PSMD14: variants seen among roughly 807,000 people sequenced by gnomAD.
PSMD14 encodes ubiquitin C-terminal hydrolase PSMD14.
In PSMD14, 7 loss-of-function variants were observed where a neutral mutation model predicts 41.2. The observed-to-expected ratio is 0.17, with a 90% CI of 0.10 to 0.32. The LOEUF is 0.32. PSMD14 is among the 10% of genes least tolerant of loss of function. The pLI is 1.00. For synonymous variants in PSMD14, 114 were observed against 122.3 expected, an observed-to-expected ratio of 0.93 and a Z score of 0.45; for missense variants, 139 against 375.6, an observed-to-expected ratio of 0.37 and a Z score of 5.21.
chr2:161,373,949 A>G (rs1473489013), intron 7 of PSMD14, among the ~76,000 whole-genome samples: 1 of 151,876 alleles, frequency 6.6e-6, no homozygotes, highest in African/African-American at 2.4e-5. Context: ...TTATAATCCT[A>G]AAGATAGGCC....
At position 161,396,386 on chromosome 2, in the gene PSMD14, A is replaced by G. The variant is rs547355233; in HGVS notation, c.771+1183A>G. Among the ~76,000 whole-genome samples, 25 of 152,294 alleles carry G rather than the reference A, an allele frequency of 1.6e-4. No individual in the cohort carries two copies. In the South Asian group the frequency reaches 3.7e-3, roughly 23 times the overall value. The stretch of plus-strand genomic sequence containing the variant: ...AGATATGGAGTCAACCTAAGTGTCA[A>G]TCAACAGACAGATAAAGAAAATGTG... On this transcript the variant is annotated intron_variant, in intron 10 of 11. Coordinates refer to ENST00000409682, the MANE Select transcript of PSMD14 (RefSeq NM_005805.6).
chr2:161,339,619 A>T (rs1682920932), intron 3 of PSMD14, among the ~76,000 whole-genome samples: 1 of 152,124 alleles, frequency 6.6e-6, no homozygotes, highest in Admixed American at 6.5e-5. Flanking sequence ...CCAGGGTCGG[A>T]AACTTTCCAG....
chr2:161,400,331 A>G (rs780526528), intron 10 of PSMD14, among the ~76,000 whole-genome samples: 1 of 152,172 alleles, frequency 6.6e-6, no homozygotes, highest in African/African-American at 2.4e-5. Context: ...TTCATGCAAC[A>G]GGAAGAGAAG....
intron 3 of PSMD14, among the ~76,000 whole-genome samples, chr2:161,332,316 G>A (rs533783740): frequency 5.1e-4 from 77 of 152,202 alleles, no homozygotes; most frequent in Middle Eastern, 3.4e-3. Context: ...ACTTTTTTAC[G>A]TCTTTAAAAC....
At chr2:161,371,401 C>A in intron 7 of PSMD14, 79 bp downstream of exon 7, 3 of 1,424,402 alleles carry the variant, frequency 2.1e-6, no homozygotes, top group South Asian at 2.8e-5. Context: ...CAATTTTGTT[C>A]AAAGCAGGAT....
At chr2:161,400,402 G>T (rs1235145209) in intron 10 of PSMD14, among the ~76,000 whole-genome samples, 1 of 152,082 alleles carries the variant, frequency 6.6e-6, no homozygotes. Context: ...GTTCCACACA[G>T]CACTCCTGAT....
chr2:161,340,817 T>G, intron 3 of PSMD14: 1 of 1,613,918 alleles, frequency 6.2e-7, no homozygotes, highest in Non-Finnish European at 8.5e-7. Context: ...AACTTCGTTA[T>G]TCTTCAGTTC....
At chr2:161,403,962 A>G (rs1012909729) in intron 10 of PSMD14, among the ~76,000 whole-genome samples, 4 of 151,602 alleles carry the variant, frequency 2.6e-5, no homozygotes, top group African/African-American at 9.7e-5. Flanking sequence ...GGCGGGCTGC[A>G]TGATACTATC....
intron 3 of PSMD14, among the ~76,000 whole-genome samples, chr2:161,325,631 C>T (rs545357864): frequency 6.6e-6 from 1 of 152,210 alleles, no homozygotes; most frequent in South Asian, 2.1e-4. Context: ...ATAAAAATAT[C>T]AACCAGAATG....
intron 3 of PSMD14, among the ~76,000 whole-genome samples, chr2:161,352,368 G>A (rs1298018791): frequency 1.3e-5 from 2 of 152,146 alleles, no homozygotes; most frequent in Non-Finnish European, 2.9e-5. Context: ...AAGAACCTCT[G>A]GCTTACATTC....
chr2:161,391,273 C>A (rs1314122859), intron 9 of PSMD14, 95 bp downstream of exon 9: 1 of 1,238,416 alleles, frequency 8.1e-7, no homozygotes. Context: ...AATTTTTGAC[C>A]TCTTTCAGTG....
At chr2:161,365,961 C>T (rs1318947166) in intron 3 of PSMD14, among the ~76,000 whole-genome samples, 1 of 152,174 alleles carries the variant, frequency 6.6e-6, no homozygotes, top group Non-Finnish European at 1.5e-5. Flanking sequence ...CCAAACCTCT[C>T]ATCACAACCA....
intron 3 of PSMD14, among the ~76,000 whole-genome samples, chr2:161,357,621 A>T (rs961460965): frequency 1.3e-5 from 2 of 152,198 alleles, no homozygotes; most frequent in Admixed American, 6.5e-5. Flanking sequence ...AGAAGTATGT[A>T]ACTATAAATC....
At chr2:161,384,421 C>G (rs907307306) in intron 7 of PSMD14, 3 of 151,636 alleles carry the variant, frequency 2.0e-5, no homozygotes, top group Non-Finnish European at 3.0e-5. Context: ...GTTGGCTTAA[C>G]TATTTTTAAT....
intron 10 of PSMD14, chr2:161,407,813 A>G (rs1452298194): frequency 1.3e-5 from 2 of 152,000 alleles, no homozygotes; most frequent in African/African-American, 4.8e-5. Context: ...GCATTTCTTA[A>G]GGTTAGTGAT....
rs1293786326 is a variant in PSMD14, at chr2:161,344,615, G to C, written c.49-22863G>C. On this transcript the variant is annotated intron_variant, in intron 3 of 11. Coordinates refer to ENST00000409682, the MANE Select transcript of PSMD14 (RefSeq NM_005805.6). ...TAAATAAGAAATAATATTTAATGAT[G>C]TAGTTAACATTTCTGGTGTTCTTCT... 6.9e-5 allele frequency among the ~76,000 whole-genome samples: 8 copies of C among 115,256 alleles called. No individual in the cohort carries two copies. In the East Asian group the frequency reaches 1.1e-3, roughly 16 times the overall value. The allele number at this position is 115,256 out of a possible 152,430, so 75.6% of individuals were successfully genotyped here.
intron 3 of PSMD14, among the ~76,000 whole-genome samples, chr2:161,323,853 T>C (rs1682653711): frequency 6.6e-6 from 1 of 152,216 alleles, no homozygotes; most frequent in African/African-American, 2.4e-5. Context: ...GTTAAAATGC[T>C]TACAAACTTG....
intron 3 of PSMD14, among the ~76,000 whole-genome samples, chr2:161,357,527 T>C (rs1449589654): frequency 6.6e-6 from 1 of 152,190 alleles, no homozygotes; most frequent in Non-Finnish European, 1.5e-5. Flanking sequence ...AGGAATTTAG[T>C]ATTGAGGATT....
chr2:161,354,469 GT>G lies in PSMD14; in HGVS notation c.49-13002del, dbSNP rs924210574. Among the ~76,000 whole-genome samples the G allele has an allele frequency of 1.6e-4, 23 of 147,944 alleles. No homozygotes were observed. In the East Asian group the frequency reaches 3.5e-3, roughly 22 times the overall value. On this transcript the variant is annotated intron_variant, in intron 3 of 11. Coordinates refer to ENST00000409682, the MANE Select transcript of PSMD14 (RefSeq NM_005805.6). ...CATGTTGCCCAGGCTGCTGAATGAT[GT>G]TTTTTTATAACAAAGGTAGTCGAGC... is the stretch of plus-strand genomic sequence containing the variant.
Sources: allele counts gnomAD v4.1 joint callset (sites outside exome capture counted in the v4.1 genomes callset), GRCh38; gene constraint gnomAD v4.1.1; transcripts MANE v1.5; gene names NCBI Gene and HGNC (gene_info 2026-07-23, HGNC 2026-07-21).